TRPA1: variants seen among roughly 807,000 people sequenced by gnomAD.
The protein encoded by TRPA1 is transient receptor potential cation channel subfamily A member 1, also known as ankyrin-like with transmembrane domains 1.
In TRPA1, 129 loss-of-function variants were observed where a neutral mutation model predicts 131.3. The ratio of observed to expected loss-of-function variants is 0.98; its 90% CI spans 0.85 to 1.14. TRPA1 has a LOEUF of 1.14. Among genes scored for constraint, TRPA1 ranks in the 50% most tolerant of loss-of-function variants. The pLI, the probability that TRPA1 is intolerant of heterozygous loss-of-function variation, is 0.00. For missense variants in TRPA1, 1,304 were observed against 1,354.2 expected, an observed-to-expected ratio of 0.96 and a Z score of 0.58; for synonymous variants, 441 against 451.7, an observed-to-expected ratio of 0.98 and a Z score of 0.30.
At chr8:72,039,948 A>G in intron 17 of TRPA1, 151 bp from the exon 18 acceptor site, 1 of 631,764 alleles carries the variant, frequency 1.6e-6, no homozygotes, top group East Asian at 2.8e-5. Context: ...AATTAGATCA[A>G]GGTTTTAAAA....
At chr8:72,054,613 G>C (rs1805614063) in intron 12 of TRPA1, 1 of 152,370 alleles carries the variant, frequency 6.6e-6, no homozygotes, top group African/African-American at 2.4e-5. Context: ...AGCAACAACT[G>C]TCTGGCCTGG....
chr8:72,037,085 A>C (rs2129433766), intron 20 of TRPA1, among the ~76,000 whole-genome samples: 1 of 152,270 alleles, frequency 6.6e-6, no homozygotes, highest in African/African-American at 2.4e-5. Context: ...GGCAAGAAAG[A>C]TTAAGTAATG....
At chr8:72,082,838 A>AC in the TRPA1 span, among the ~76,000 whole-genome samples, 1 of 151,542 alleles carries the variant, frequency 6.6e-6, no homozygotes, top group Non-Finnish European at 1.5e-5. Context: ...GTAGATTAAT[A>AC]CTTTTTTTTT....
upstream of TRPA1, among the ~76,000 whole-genome samples, chr8:72,076,088 A>T (rs1163516497): frequency 6.6e-6 from 1 of 152,172 alleles, no homozygotes; most frequent in East Asian, 1.9e-4. Context: ...AAAACTTCTC[A>T]TTCCAAACGT....
At chr8:72,079,092 G>T (rs371751989), upstream of TRPA1, among the ~76,000 whole-genome samples, 2 of 151,668 alleles carry the variant, frequency 1.3e-5, no homozygotes, top group East Asian at 3.8e-4. Context: ...TTTAAATTGC[G>T]TTGTCTTCTT....
intron 10 of TRPA1, 54 bp from the exon 11 acceptor site, chr8:72,055,909 T>C: frequency 1.3e-6 from 2 of 1,585,432 alleles, no homozygotes; most frequent in Non-Finnish European, 1.7e-6. Context: ...GCTAATATGA[T>C]GGTTTTCAAA....
intron 13 of TRPA1, 83 bp downstream of exon 13, chr8:72,053,670 G>A (rs1805585445): frequency 6.2e-6 from 6 of 974,416 alleles, no homozygotes; most frequent in Non-Finnish European, 9.7e-6. Flanking sequence ...GAAGGTAAAA[G>A]GTGTCTAGGA....
At chr8:72,056,787 C>A (rs1197691502) in intron 10 of TRPA1, 130 bp downstream of exon 10, 2 of 716,434 alleles carry the variant, frequency 2.8e-6, no homozygotes, top group East Asian at 5.5e-5. Context: ...TCAAATATGT[C>A]ATCTTTATTT....
At chr8:72,027,932 A>T (rs964581089) in intron 24 of TRPA1, among the ~76,000 whole-genome samples, 2 of 151,800 alleles carry the variant, frequency 1.3e-5, no homozygotes, top group African/African-American at 4.8e-5. Context: ...TTTCAGCTCA[A>T]CCCCACTGAC....
intron 12 of TRPA1, chr8:72,054,755 T>C (rs1261357742): frequency 6.6e-6 from 1 of 152,286 alleles, no homozygotes. Flanking sequence ...AGGAAATGTG[T>C]TTTTGAACAT....
intron 17 of TRPA1, among the ~76,000 whole-genome samples, chr8:72,041,755 AAAG>A (rs1420651558): frequency 6.6e-6 from 1 of 151,930 alleles, no homozygotes; most frequent in Non-Finnish European, 1.5e-5. Context: ...TTATGTTATA[AAAG>A]AAGAAAGATT....
At position 72,052,670 on chromosome 8, in the gene TRPA1, C is replaced by T. The variant is rs753065690; in HGVS notation, c.1740G>A (p.Gln580=). The change falls in exon 14 of 27, where the codon CAG becomes CAA. Residue 580 remains glutamine, a synonymous_variant. Coordinates refer to ENST00000262209, the MANE Select transcript of TRPA1 (RefSeq NM_007332.3). ...HNADIVLNKQ[Q]ASFLHLALHN... ...GAAGTGCAAGGTGCAAAAAGGAGGC[C>T]TGCTGCTTGTTCAGGACTATGTCAG... 1 of 1,613,816 alleles carries T rather than the reference C, an allele frequency of 6.2e-7. No individual in the cohort carries two copies. Among genetic ancestry groups the T allele is most frequent in the Non-Finnish European group, 8.5e-7 (1 of 1,179,858 alleles).
chr8:72,068,569 T>A (rs12234934), intron 3 of TRPA1, among the ~76,000 whole-genome samples: 12,765 of 152,284 alleles, frequency 0.084, 802 homozygotes, highest in East Asian at 0.28. Flanking sequence ...ATTACCTTCC[T>A]CCTTTTAGTC....
chr8:72,066,824 C>A (rs925427841), intron 3 of TRPA1, among the ~76,000 whole-genome samples: 3 of 152,138 alleles, frequency 2.0e-5, no homozygotes, highest in African/African-American at 7.2e-5. Context: ...TGGCAGGGAT[C>A]CCAGAGAGAG....
chr8:72,037,945 A>T (rs768938438), intron 20 of TRPA1, 38 bp downstream of exon 20: 3 of 1,239,150 alleles, frequency 2.4e-6, no homozygotes, highest in Admixed American at 3.4e-5. Flanking sequence ...GCATATGAAA[A>T]TATGTGCAAC....
At chr8:72,072,043 A>T (rs1281015345) in intron 1 of TRPA1, among the ~76,000 whole-genome samples, 176 bp from the exon 2 acceptor site, 1 of 152,236 alleles carries the variant, frequency 6.6e-6, no homozygotes, top group Non-Finnish European at 1.5e-5. Flanking sequence ...GGTTTGAGAA[A>T]ATGCCCCAAG....
the TRPA1 span, among the ~76,000 whole-genome samples, chr8:72,082,683 C>CT: frequency 2.3e-3 from 342 of 146,802 alleles, no homozygotes; most frequent in South Asian, 6.9e-3. Flanking sequence ...AACAAATTAT[C>CT]TTTTTTTTTT....
intron 19 of TRPA1, 129 bp downstream of exon 19, chr8:72,038,736 G>A (rs549938246): frequency 2.6e-6 from 2 of 776,950 alleles, no homozygotes; most frequent in African/African-American, 3.5e-5. Flanking sequence ...AATTATTACT[G>A]TATACAAATT....
rs1805844527 is a variant in TRPA1, at chr8:72,063,008, T to C, written c.662-64A>G. On this transcript the variant is annotated intron_variant, in intron 5 of 26. Coordinates refer to ENST00000262209, the MANE Select transcript of TRPA1 (RefSeq NM_007332.3). Reference sequence around the variant, plus strand: ...AAATAAATAATAGGGAGGTTTTTTGTTAAAAAATATGAACAAAGGTAAAAA... The same window carrying C: ...AAATAAATAATAGGGAGGTTTTTTGCTAAAAAATATGAACAAAGGTAAAAA... 2.0e-5 allele frequency: 29 copies of C among 1,458,902 alleles called. No homozygotes were observed. In the South Asian group the frequency reaches 3.5e-4, roughly 18 times the overall value. The allele number at this position is 1,458,902 out of a possible 1,614,324, so 90.4% of individuals were successfully genotyped here.
Sources: gnomAD v4.1 joint callset for allele counts (sites outside exome capture counted in the v4.1 genomes callset) on GRCh38, gnomAD v4.1.1 for gene constraint, MANE v1.5 for transcripts, NCBI Gene and HGNC (gene_info 2026-07-23, HGNC 2026-07-21) for gene names.